Variants in NDST4 observed in about 807,000 individuals in gnomAD.
NDST4 encodes the protein N-deacetylase and N-sulfotransferase 4.
A neutral mutation model predicts 100.8 loss-of-function variants in NDST4; 63 were observed. The ratio of observed to expected loss-of-function variants is 0.62; its 90% CI spans 0.51 to 0.77. The LOEUF (loss-of-function observed/expected upper bound fraction) is 0.77. Ranked by LOEUF, NDST4 falls within the 30% of genes least tolerant of loss-of-function variation. The probability of loss-of-function intolerance (pLI) is 0.00; values close to 1 mark genes in which losing one functional copy is unlikely to be tolerated. For missense variants in NDST4, 943 were observed against 1,018.4 expected (o/e 0.93, Z 1.01); for synonymous variants, 377 against 361.8 (o/e 1.04, Z -0.48).
chr4:115,017,681 G>A (rs1326289884), intron 2 of NDST4, among the ~76,000 whole-genome samples: 2 of 151,940 alleles, frequency 1.3e-5, no homozygotes, highest in African/African-American at 2.4e-5. Context: ...GATGATAAGA[G>A]ATCAATCCAG....
At chr4:115,093,950 G>A (rs958435833) in intron 1 of NDST4, among the ~76,000 whole-genome samples, 1 of 151,796 alleles carries the variant, frequency 6.6e-6, no homozygotes, top group African/African-American at 2.4e-5. Context: ...CAGATATTCA[G>A]ATAAGAAATA....
chr4:114,902,248 C>A (rs980143269), intron 6 of NDST4, among the ~76,000 whole-genome samples: 1 of 151,822 alleles, frequency 6.6e-6, no homozygotes, highest in African/African-American at 2.4e-5. Context: ...AAAATTTTTT[C>A]GCACATGTCT....
chr4:115,048,591 T>G (rs1165771786), intron 2 of NDST4, among the ~76,000 whole-genome samples: 1 of 152,116 alleles, frequency 6.6e-6, no homozygotes, highest in African/African-American at 2.4e-5. Flanking sequence ...CGACCCACAT[T>G]ATGAATTTTT....
At chr4:115,061,752 T>C (rs1440689696) in intron 2 of NDST4, among the ~76,000 whole-genome samples, 1 of 152,050 alleles carries the variant, frequency 6.6e-6, no homozygotes, top group Non-Finnish European at 1.5e-5. Flanking sequence ...AACAAACCTG[T>C]ACATTCTGCA....
chr4:114,943,601 G>A (rs192909349), intron 4 of NDST4, among the ~76,000 whole-genome samples: 7 of 152,028 alleles, frequency 4.6e-5, no homozygotes, highest in South Asian at 2.1e-4. Flanking sequence ...TAATCTCTTC[G>A]TGTAGAGAGA....
At chr4:114,881,211 G>C (rs997676184) in intron 6 of NDST4, among the ~76,000 whole-genome samples, 3 of 152,032 alleles carry the variant, frequency 2.0e-5, no homozygotes, top group Admixed American at 1.3e-4. Context: ...GAGGTGGGGA[G>C]TCATTTAGAA....
At chr4:114,904,413 T>C (rs910642655) in intron 6 of NDST4, among the ~76,000 whole-genome samples, 17 of 151,946 alleles carry the variant, frequency 1.1e-4, no homozygotes, top group African/African-American at 4.1e-4. Flanking sequence ...ATTAGTAATG[T>C]AATTGATATT....
chr4:115,085,397 G>A (rs538324997), intron 1 of NDST4, among the ~76,000 whole-genome samples: 7 of 152,222 alleles, frequency 4.6e-5, no homozygotes, highest in Admixed American at 1.3e-4. Context: ...AGGACTGTTG[G>A]AAGGGTAAAA....
At chr4:115,103,173 G>A (rs549708203) in intron 1 of NDST4, among the ~76,000 whole-genome samples, 2 of 152,196 alleles carry the variant, frequency 1.3e-5, no homozygotes, top group Non-Finnish European at 1.5e-5. Flanking sequence ...GTATCTATGT[G>A]ACATTCTGAC....
chr4:115,011,612 GTAA>G (rs1247224831), intron 2 of NDST4, among the ~76,000 whole-genome samples: 3 of 151,740 alleles, frequency 2.0e-5, no homozygotes, highest in Non-Finnish European at 4.4e-5. Context: ...GCAGTTTCAG[GTAA>G]TAATAAACAA....
rs779272111 is a variant in NDST4, at chr4:114,827,942, A to T, written c.2500-7T>A. On this transcript the variant is annotated splice_region_variant and splice_polypyrimidine_tract_variant and intron_variant, in intron 13 of 13. Coordinates refer to ENST00000264363, the MANE Select transcript of NDST4 (RefSeq NM_022569.3). Reference sequence around the variant, plus strand: ...TAGAGAGGAACGTTCTAGACTGGAAAGAAAAAAAGAAGAACTTGAAAGAAG... The same window carrying T: ...TAGAGAGGAACGTTCTAGACTGGAATGAAAAAAAGAAGAACTTGAAAGAAG... 1.8e-5 allele frequency: 29 copies of T among 1,581,166 alleles called. 1 individual carries two copies. The Middle Eastern group carries it at 1.2e-3, about 65-fold the overall frequency.
chr4:114,926,837 T>G (rs985060790), intron 6 of NDST4, among the ~76,000 whole-genome samples: 3 of 152,090 alleles, frequency 2.0e-5, no homozygotes, highest in Non-Finnish European at 4.4e-5. Flanking sequence ...CCCAAGGCAA[T>G]AAGAAAGAAC....
chr4:114,986,642 T>A (rs1169516031), intron 2 of NDST4, among the ~76,000 whole-genome samples: 2 of 151,706 alleles, frequency 1.3e-5, no homozygotes, highest in Non-Finnish European at 2.9e-5. Flanking sequence ...GGTTTCTGTT[T>A]CCCATGCTCT....
chr4:114,985,954 C>A (rs1390490955), intron 2 of NDST4, among the ~76,000 whole-genome samples: 1 of 152,136 alleles, frequency 6.6e-6, no homozygotes, highest in South Asian at 2.1e-4. Context: ...CAGGAAAGAA[C>A]TTAGCGTCGT....
At chr4:115,111,285 A>C (rs899104923) in intron 1 of NDST4, among the ~76,000 whole-genome samples, 1 of 151,970 alleles carries the variant, frequency 6.6e-6, no homozygotes, top group Admixed American at 6.6e-5. Context: ...ATCCAAGTAT[A>C]GAATGCTTTT....
intron 1 of NDST4, among the ~76,000 whole-genome samples, chr4:115,097,564 T>C (rs1339563193): frequency 6.6e-6 from 1 of 152,172 alleles, no homozygotes; most frequent in Non-Finnish European, 1.5e-5. Context: ...CCCATGGCTA[T>C]CACCTCTGCA....
chr4:114,927,348 G>A (rs971332099), intron 6 of NDST4, among the ~76,000 whole-genome samples: 5 of 151,750 alleles, frequency 3.3e-5, no homozygotes, highest in South Asian at 2.1e-4. Context: ...AATAGATTTC[G>A]CATTTCTACA....
At chr4:114,966,670 A>T (rs1016894150) in intron 4 of NDST4, among the ~76,000 whole-genome samples, 1 of 152,082 alleles carries the variant, frequency 6.6e-6, no homozygotes, top group Admixed American at 6.5e-5. Flanking sequence ...AAGACTTTTG[A>T]TTTTTATCTG....
chr4:115,022,513 T>C (rs1315367530), intron 2 of NDST4, among the ~76,000 whole-genome samples: 2 of 152,008 alleles, frequency 1.3e-5, no homozygotes, highest in Non-Finnish European at 2.9e-5. Flanking sequence ...ATGTTCCATA[T>C]ATATATATAT....
Sources: allele counts gnomAD v4.1 joint callset (sites outside exome capture counted in the v4.1 genomes callset), GRCh38; gene constraint gnomAD v4.1.1; transcripts MANE v1.5; gene names NCBI Gene and HGNC (gene_info 2026-07-23, HGNC 2026-07-21).